Variants in LPL observed in about 807,000 individuals in gnomAD.
LPL encodes the protein lipoprotein lipase.
A neutral mutation model predicts 52.2 loss-of-function variants in LPL; 43 were observed. That is an observed-to-expected ratio of 0.82 (90% CI 0.64 to 1.06). The LOEUF is 1.06. LPL is among the 50% of genes least tolerant of loss of function. The pLI, the probability that LPL is intolerant of heterozygous loss-of-function variation, is 0.00. For missense variants in LPL, 639 were observed against 585.3 expected, an observed-to-expected ratio of 1.09 and a Z score of -0.95; for synonymous variants, 244 against 215.6, an observed-to-expected ratio of 1.13 and a Z score of -1.15.
intron 6 of LPL, among the ~76,000 whole-genome samples, chr8:19,957,315 G>A (rs2069994686): frequency 6.6e-6 from 1 of 152,176 alleles, no homozygotes; most frequent in Non-Finnish European, 1.5e-5. Context: ...GGAAACCTGA[G>A]GGAAGGGATG....
chr8:19,957,276 A>T (rs1177769866), intron 6 of LPL, among the ~76,000 whole-genome samples: 1 of 152,198 alleles, frequency 6.6e-6, no homozygotes, highest in Non-Finnish European at 1.5e-5. Context: ...GACCAACTTC[A>T]GGAAGGGTGG....
intron 9 of LPL, among the ~76,000 whole-genome samples, chr8:19,963,781 G>A (rs1261758574): frequency 6.6e-6 from 1 of 152,090 alleles, no homozygotes; most frequent in African/African-American, 2.4e-5. Flanking sequence ...AACTCAAAAT[G>A]GAGAATAGTT....
At chr8:19,948,964 G>A (rs2069908397) in intron 2 of LPL, among the ~76,000 whole-genome samples, 1 of 151,698 alleles carries the variant, frequency 6.6e-6, no homozygotes, top group African/African-American at 2.4e-5. Context: ...GCAGGGAACT[G>A]ACATGCTGAC....
intron 6 of LPL, among the ~76,000 whole-genome samples, chr8:19,957,812 C>G (rs930604271): frequency 2.0e-5 from 3 of 151,934 alleles, no homozygotes; most frequent in African/African-American, 7.3e-5. Context: ...AATTTTTTCA[C>G]CTGGACAAGA....
chr8:19,948,630 A>T, intron 2 of LPL: 1 of 398,132 alleles, frequency 2.5e-6, no homozygotes. Context: ...TGAGCAGAAG[A>T]TAGGTGATTG....
chr8:19,945,359 A>G (rs1207358733), intron 1 of LPL, among the ~76,000 whole-genome samples: 3 of 152,188 alleles, frequency 2.0e-5, no homozygotes, highest in Non-Finnish European at 4.4e-5. Flanking sequence ...AACATCCAAG[A>G]AAAGGAAAGT....
intron 2 of LPL, among the ~76,000 whole-genome samples, chr8:19,948,858 G>T (rs1021338624): frequency 1.3e-5 from 2 of 151,924 alleles, no homozygotes; most frequent in African/African-American, 2.4e-5. Context: ...TAAAGCAGAG[G>T]TTGCACTAGA....
intron 8 of LPL, 106 bp from the exon 9 acceptor site, chr8:19,962,009 C>G (rs1173616326): frequency 6.3e-6 from 5 of 798,414 alleles, no homozygotes; most frequent in African/African-American, 3.4e-5. Context: ...AAACAATTAC[C>G]CAGCATGATC....
intron 8 of LPL, 27 bp from the exon 9 acceptor site, chr8:19,962,088 C>T (rs1293090447): frequency 7.0e-7 from 1 of 1,428,106 alleles, no homozygotes. Flanking sequence ...TTCTACATGG[C>T]ATATTCACAT....
chr8:19,961,889 CCTGT>C (rs1199265114), intron 8 of LPL, among the ~76,000 whole-genome samples: 1 of 152,112 alleles, frequency 6.6e-6, no homozygotes, highest in Non-Finnish European at 1.5e-5. Context: ...TGTCTGCATG[CCTGT>C]CTATCTAAAT....
chr8:19,965,261 A>G lies in LPL; in HGVS notation c.*-49A>G. ...CAGTGGGGGACAGGCGGGAATTGTAAAACACTCAGAAGATAATAAATTGCC... is the reference window on the plus strand; with the variant it reads ...CAGTGGGGGACAGGCGGGAATTGTAGAACACTCAGAAGATAATAAATTGCC... On this transcript the variant is annotated intron_variant, in intron 9 of 9. Transcript: ENST00000650287. 6 of 779,496 alleles carry G rather than the reference A, an allele frequency of 7.7e-6. 1 individual carries two copies. The South Asian group carries it at 8.1e-5, about 10-fold the overall frequency. The allele number at this position is 779,496 out of a possible 1,614,324, so 48.3% of individuals were successfully genotyped here.
At chr8:19,943,356 T>A (rs1283994330) in intron 1 of LPL, among the ~76,000 whole-genome samples, 1 of 152,142 alleles carries the variant, frequency 6.6e-6, no homozygotes, top group African/African-American at 2.4e-5. Flanking sequence ...TATCATGACA[T>A]CAATAATGTA....
rs570633578 is a variant in LPL, at chr8:19,966,719, T to G, written c.*1409T>G. The G allele has an allele frequency of 4.6e-5, 7 of 152,266 alleles. No individual in the cohort carries two copies. The highest frequency in any genetic ancestry group is 1.4e-4 in the African/African-American group (6 of 41,568). 9.4% of individuals were successfully genotyped at this position (152,266 alleles called of 1,614,324 possible). On this transcript the variant is annotated 3_prime_UTR_variant, in exon 10 of 10. Transcript: ENST00000650287. ...GTATTGGAACATGTCGGAGTAGAAA[T>G]TGTTCCTGATGTGCCAGAACTTCGA... is the stretch of plus-strand genomic sequence containing the variant.
chr8:19,960,789 T>A (rs2070031232), intron 7 of LPL, 112 bp from the exon 8 acceptor site: 6 of 775,410 alleles, frequency 7.7e-6, no homozygotes, highest in Non-Finnish European at 8.8e-6. Context: ...TGTGCATTTT[T>A]AAAATATCCC....
chr8:19,947,652 A>C (rs2128836843), intron 1 of LPL, among the ~76,000 whole-genome samples: 1 of 121,696 alleles, frequency 8.2e-6, no homozygotes, highest in East Asian at 2.6e-4. Context: ...AACAAAACAA[A>C]ACAACCCCCC....
intron 6 of LPL, among the ~76,000 whole-genome samples, chr8:19,956,305 C>T (rs992300121): frequency 5.2e-4 from 79 of 152,312 alleles, no homozygotes; most frequent in African/African-American, 1.9e-3. Context: ...GTGGGATTTG[C>T]AGCCTTGCTC....
rs1417044795 is a variant in LPL at position 19,965,535 on chromosome 8, C to T, written c.*225C>T. 7.4e-6 allele frequency: 4 copies of T among 539,388 alleles called. No homozygotes were observed. The highest frequency in any genetic ancestry group is 1.3e-5 in the Non-Finnish European group (4 of 303,004). 33.4% of individuals were successfully genotyped at this position (539,388 alleles called of 1,614,324 possible). On this transcript the variant is annotated 3_prime_UTR_variant, in exon 10 of 10. Coordinates refer to ENST00000650287, the MANE Select transcript of LPL (RefSeq NM_000237.3). The stretch of plus-strand genomic sequence containing the variant: ...GGGTATAGTGGCCAAATAGCACATC[C>T]TCCAACGTTAAAAGACAGTGGATCA...
At position 19,944,119 on chromosome 8, in the gene LPL, T is replaced by C. The variant is rs942542675; in HGVS notation, c.89-4061T>C. Among the ~76,000 whole-genome samples, 1 of 151,950 alleles carries C rather than the reference T, an allele frequency of 6.6e-6. No homozygotes were observed. Among genetic ancestry groups the C allele is most frequent in the African/African-American group, 2.4e-5 (1 of 41,368 alleles). On this transcript the variant is annotated intron_variant, in intron 1 of 9. Coordinates refer to ENST00000650287, the MANE Select transcript of LPL (RefSeq NM_000237.3). The surrounding 1 kb of genome is among the most constrained non-coding windows in gnomAD (Gnocchi z 4.2). ...GAGAATGGCTTGAACCCAGGAGGCA[T>C]AGGTTGCAGTGAGTCACGATCGTGC...
chr8:19,950,697 A>G lies in LPL; in HGVS notation c.250-1072A>G, dbSNP rs2069925938. Reference sequence around the variant, plus strand: ...TATGTGCTTGTAGTCCCAGCTACTCAGGAGGCTGAGGCAGGAGAATCGCTT... The same window carrying G: ...TATGTGCTTGTAGTCCCAGCTACTCGGGAGGCTGAGGCAGGAGAATCGCTT... On this transcript the variant is annotated intron_variant, in intron 2 of 9. Coordinates refer to ENST00000650287, the MANE Select transcript of LPL (RefSeq NM_000237.3). This position sits in a 1 kb window ranked among gnomAD's most constrained non-coding sequence, Gnocchi z 4.2. 6.6e-6 allele frequency among the ~76,000 whole-genome samples: 1 copy of G among 152,114 alleles called. No homozygotes were observed. The highest frequency in any genetic ancestry group is 2.1e-4 in the South Asian group (1 of 4,826).
Sources: allele counts gnomAD v4.1 joint callset (sites outside exome capture counted in the v4.1 genomes callset), GRCh38; gene constraint gnomAD v4.1.1; non-coding constraint Gnocchi (gnomAD v3.1); transcripts MANE v1.5; gene names NCBI Gene and HGNC (gene_info 2026-07-23, HGNC 2026-07-21).